KSR1: variants seen among roughly 807,000 people sequenced by gnomAD.
The protein encoded by KSR1 is kinase suppressor of ras 1.
KSR1 carries 35 observed loss-of-function variants against 92.9 expected under a neutral mutation model. The observed-to-expected ratio is 0.38, with a 90% confidence interval of 0.29 to 0.50. The LOEUF (loss-of-function observed/expected upper bound fraction) is 0.50. KSR1 is among the 20% of genes least tolerant of loss of function. The pLI, the probability that KSR1 is intolerant of heterozygous loss-of-function variation, is 0.94. For missense variants in KSR1, 972 were observed against 1,158.5 expected, an observed-to-expected ratio of 0.84 and a Z score of 2.34; for synonymous variants, 467 against 472.6, an observed-to-expected ratio of 0.99 and a Z score of 0.15.
At position 27,605,481 on chromosome 17, in the gene KSR1, C is replaced by T. The variant is rs373150357; in HGVS notation, c.1662C>T (p.Asp554=). 2.2e-5 allele frequency: 35 copies of T among 1,608,180 alleles called. No individual in the cohort carries two copies. The highest frequency in any genetic ancestry group is 9.3e-5 in the African/African-American group (7 of 74,884). The change falls in exon 14 of 21, where the codon GAC becomes GAT. Residue 554 remains aspartate (D), a synonymous_variant. Transcript: ENST00000644974. ...AGKSEAEDDE[D]EVDDLPSSRR... is the part of the protein sequence containing the mutation. Reference sequence around the variant, plus strand: ...AGTCAGAGGCAGAAGACGATGAGGACGAGGTGGACGACTTGCCGAGCTCTC... The same window carrying T: ...AGTCAGAGGCAGAAGACGATGAGGATGAGGTGGACGACTTGCCGAGCTCTC...
At chr17:27,592,315 C>G (rs1275449419) in intron 7 of KSR1, 46 bp from the exon 8 acceptor site, 12 of 1,513,258 alleles carry the variant, frequency 7.9e-6, no homozygotes, top group Non-Finnish European at 1.1e-5. Flanking sequence ...TGTGCCTGAG[C>G]CCCCCCATGT....
chr17:27,516,597 G>A (rs1011182548), intron 1 of KSR1, among the ~76,000 whole-genome samples: 5 of 148,380 alleles, frequency 3.4e-5, no homozygotes, highest in African/African-American at 2.5e-5. Flanking sequence ...TATGTTCCTT[G>A]TAGAAACTTT....
At chr17:27,600,145 G>C (rs1473470082) in intron 10 of KSR1, among the ~76,000 whole-genome samples, 1 of 123,960 alleles carries the variant, frequency 8.1e-6, no homozygotes, top group Non-Finnish European at 1.6e-5. Context: ...CTAAAATCAT[G>C]ATTAAAAGAC....
At chr17:27,494,764 ACGT>A (rs1317740986) in intron 1 of KSR1, among the ~76,000 whole-genome samples, 6 of 152,308 alleles carry the variant, frequency 3.9e-5, no homozygotes, top group Middle Eastern at 3.4e-3. Context: ...CTCAGCATTG[ACGT>A]CGTGAGAATG....
chr17:27,482,179 C>T (rs1202627451), intron 1 of KSR1, among the ~76,000 whole-genome samples: 2 of 152,028 alleles, frequency 1.3e-5, no homozygotes, highest in African/African-American at 4.8e-5. Flanking sequence ...AATCCCAGTA[C>T]TTTGGGAGGC....
chr17:27,464,832 A>G (rs577169952), intron 1 of KSR1, among the ~76,000 whole-genome samples: 12 of 152,050 alleles, frequency 7.9e-5, no homozygotes, highest in Admixed American at 1.3e-4. Context: ...TAGCCTTTTA[A>G]TCTAGTGCAC....
chr17:27,473,530 C>T (rs891753001), intron 1 of KSR1, among the ~76,000 whole-genome samples: 21 of 152,134 alleles, frequency 1.4e-4, no homozygotes, highest in Admixed American at 1.1e-3. Context: ...GAGGAGCAGC[C>T]TGTAGGGCTG....
At chr17:27,560,423 G>C in intron 2 of KSR1, 1 of 519,062 alleles carries the variant, frequency 1.9e-6, no homozygotes, top group Non-Finnish European at 3.8e-6. Flanking sequence ...TCTTACTGCT[G>C]GTGGTTCCTG....
chr17:27,566,557 G>T (rs1035569438), intron 2 of KSR1: 8 of 399,040 alleles, frequency 2.0e-5, no homozygotes, highest in Admixed American at 4.4e-5. Flanking sequence ...AGCCCACCTG[G>T]GCTGGAGGAT....
chr17:27,501,278 TAA>T (rs111984109), intron 1 of KSR1, among the ~76,000 whole-genome samples: 4 of 140,390 alleles, frequency 2.8e-5, no homozygotes, highest in South Asian at 2.3e-4. Context: ...TTTTTTTTTT[TAA>T]TTTCTTTTCT....
chr17:27,495,040 G>A (rs1209536101), intron 1 of KSR1, among the ~76,000 whole-genome samples: 1 of 152,258 alleles, frequency 6.6e-6, no homozygotes, highest in Non-Finnish European at 1.5e-5. Flanking sequence ...CGGGCGGCTG[G>A]GCAGGGCTCT....
chr17:27,485,382 G>A (rs1299364909), intron 1 of KSR1, among the ~76,000 whole-genome samples: 3 of 152,278 alleles, frequency 2.0e-5, no homozygotes, highest in South Asian at 2.1e-4. Context: ...TGGCTTGCAC[G>A]CTCCCATTCC....
At chr17:27,511,492 A>C (rs1466046728) in intron 1 of KSR1, among the ~76,000 whole-genome samples, 1 of 152,170 alleles carries the variant, frequency 6.6e-6, no homozygotes, top group Non-Finnish European at 1.5e-5. Context: ...GGAACTGAGA[A>C]AGACAAGAAA....
chr17:27,589,021 G>T (rs1396037366), intron 6 of KSR1, among the ~76,000 whole-genome samples: 1 of 152,236 alleles, frequency 6.6e-6, no homozygotes, highest in African/African-American at 2.4e-5. Flanking sequence ...GAGACAGCAC[G>T]TGTGCATGTG....
chr17:27,623,226 T>A, intron 20 of KSR1, 88 bp from the exon 21 acceptor site: 1 of 709,278 alleles, frequency 1.4e-6, no homozygotes. Context: ...GGCCAGGTCC[T>A]CTGCTGAACT....
Position 27,559,596 on chromosome 17 carries a change from T to C in KSR1, c.372+8888T>C, listed in dbSNP as rs2071739588. Among the ~76,000 whole-genome samples the C allele has an allele frequency of 6.6e-6, 1 of 152,222 alleles. No individual in the cohort carries two copies. The highest frequency in any genetic ancestry group is 6.5e-5 in the Admixed American group (1 of 15,280). On this transcript the variant is annotated intron_variant, in intron 2 of 20. Transcript: ENST00000644974. This position sits in a 1 kb window ranked among gnomAD's most constrained non-coding sequence, Gnocchi z 4.2. ...CAGGGCCCTGTGGTGAGAGCTGGGA[T>C]GCTGAAGACACCTTCCTCTGCCCCA... is the stretch of plus-strand genomic sequence containing the variant.
intron 10 of KSR1, 93 bp downstream of exon 10, chr17:27,597,529 G>T: frequency 7.6e-7 from 1 of 1,311,524 alleles, no homozygotes; most frequent in Non-Finnish European, 1.0e-6. Flanking sequence ...GGTCAGACAT[G>T]GCCACAGCTA....
chr17:27,577,441 C>CGGCCCA lies in KSR1; in HGVS notation c.373-49_373-44dup. On this transcript the variant is annotated intron_variant, in intron 2 of 20. Transcript: ENST00000644974. The surrounding 1 kb of genome is among the most constrained non-coding windows in gnomAD (Gnocchi z 4.5). ...GGCCAGCCTGAGGCTGAGGGGCTCC[C>CGGCCCA]GGCCCAGCCGACTGCTCACCGCCTC... 1 of 1,208,502 alleles carries CGGCCCA rather than the reference C, an allele frequency of 8.3e-7. No homozygotes were observed. The highest frequency in any genetic ancestry group is 1.2e-6 in the Non-Finnish European group (1 of 853,294). The allele number at this position is 1,208,502 out of a possible 1,614,324, so 74.9% of individuals were successfully genotyped here.
At chr17:27,589,707 G>A (rs1024894714) in intron 6 of KSR1, among the ~76,000 whole-genome samples, 13 of 152,154 alleles carry the variant, frequency 8.5e-5, no homozygotes, top group African/African-American at 3.1e-4. Flanking sequence ...GACCAGCCTT[G>A]CACTTTTTTT....
Sources: allele counts gnomAD v4.1 joint callset (sites outside exome capture counted in the v4.1 genomes callset), GRCh38; gene constraint gnomAD v4.1.1; non-coding constraint Gnocchi (gnomAD v3.1); transcripts MANE v1.5; gene names NCBI Gene and HGNC (gene_info 2026-07-23, HGNC 2026-07-21).